Variants in CEP85L observed in about 807,000 individuals in gnomAD.
CEP85L encodes centrosomal protein 85L.
A neutral mutation model predicts 100.3 loss-of-function variants in CEP85L; 60 were observed. The ratio of observed to expected loss-of-function variants is 0.60; its 90% CI spans 0.49 to 0.74. The LOEUF (loss-of-function observed/expected upper bound fraction) is 0.74. CEP85L is among the 30% of genes least tolerant of loss of function. The probability of loss-of-function intolerance (pLI) is 0.00; values close to 1 mark genes in which losing one functional copy is unlikely to be tolerated. For synonymous variants in CEP85L, 319 were observed against 322.7 expected (o/e 0.99, Z 0.12); for missense variants, 973 against 936.2 (o/e 1.04, Z -0.51).
chr6:118,466,178 C>T (rs761115146), intron 12 of CEP85L, among the ~76,000 whole-genome samples: 1 of 152,072 alleles, frequency 6.6e-6, no homozygotes, highest in South Asian at 2.1e-4. Flanking sequence ...CTTGAGTCAG[C>T]CAGCTTTTAG....
chr6:118,478,970 T>C (rs1773583203), intron 10 of CEP85L, among the ~76,000 whole-genome samples: 1 of 152,168 alleles, frequency 6.6e-6, no homozygotes, highest in African/African-American at 2.4e-5. Flanking sequence ...TTAATTTAGA[T>C]TGAGATAACT....
intron 3 of CEP85L, among the ~76,000 whole-genome samples, chr6:118,562,021 T>C (rs1257376717): frequency 6.6e-6 from 1 of 152,202 alleles, no homozygotes; most frequent in Non-Finnish European, 1.5e-5. Context: ...TTTATGCTAA[T>C]ATTACATAGA....
chr6:118,569,008 G>A (rs867109246), intron 2 of CEP85L, among the ~76,000 whole-genome samples: 1 of 151,858 alleles, frequency 6.6e-6, no homozygotes, highest in Non-Finnish European at 1.5e-5. Flanking sequence ...CAGACCAAAG[G>A]TTAAGTATAA....
chr6:118,600,165 C>T (rs550467670), intron 2 of CEP85L, among the ~76,000 whole-genome samples: 129 of 151,918 alleles, frequency 8.5e-4, no homozygotes, highest in African/African-American at 2.9e-3. Context: ...CATATTCTCC[C>T]TCACAGGAGA....
intron 2 of CEP85L, among the ~76,000 whole-genome samples, chr6:118,584,799 C>T (rs542585790): frequency 2.0e-5 from 3 of 152,352 alleles, no homozygotes; most frequent in South Asian, 2.1e-4. Flanking sequence ...CCCCACCTAA[C>T]GTGGCAGGAC....
intron 1 of CEP85L, among the ~76,000 whole-genome samples, chr6:118,668,170 A>G (rs1441285296): frequency 2.6e-5 from 4 of 152,232 alleles, no homozygotes; most frequent in South Asian, 2.1e-4. Context: ...GTTCAAGCCA[A>G]CTGGTAAGAA....
rs779973897 is a variant in CEP85L, at chr6:118,566,207, A to C, written c.342T>G (p.Leu114=). Residue 114 remains leucine, a synonymous_variant, in exon 3 of 13, where the codon CTT becomes CTG. Coordinates refer to ENST00000368491, the MANE Select transcript of CEP85L (RefSeq NM_001042475.3). ...PSNSSASISK[L]RESLTPDGSK... is the part of the protein sequence containing the mutation. ...AGCCATCTGGTGTCAATGATTCCCTAAGTTTGGAAATTGAAGCGCTGGAAT... is the reference window on the plus strand; with the variant it reads ...AGCCATCTGGTGTCAATGATTCCCTCAGTTTGGAAATTGAAGCGCTGGAAT... 2 of 1,614,086 alleles carry C rather than the reference A, an allele frequency of 1.2e-6. No homozygotes were observed. The highest frequency in any genetic ancestry group is 4.5e-5 in the East Asian group (2 of 44,880).
upstream of CEP85L, chr6:118,652,310 C>T: frequency 1.3e-6 from 1 of 791,888 alleles, no homozygotes; most frequent in Non-Finnish European, 1.5e-6. Context: ...CTCTTCTTGG[C>T]CAGTTTCCAC....
intron 1 of CEP85L, among the ~76,000 whole-genome samples, chr6:118,695,310 A>G (rs142684176): frequency 2.6e-5 from 4 of 152,314 alleles, no homozygotes; most frequent in African/African-American, 9.6e-5. Context: ...TAATTTGCAA[A>G]TGGATCATTA....
chr6:118,662,924 T>C (rs530101337), intron 1 of CEP85L, among the ~76,000 whole-genome samples: 1 of 152,260 alleles, frequency 6.6e-6, no homozygotes, highest in East Asian at 1.9e-4. Flanking sequence ...AGAGCATAAG[T>C]ATTGAGTTAG....
intron 3 of CEP85L, among the ~76,000 whole-genome samples, chr6:118,562,088 T>A (rs1465703089): frequency 6.6e-6 from 1 of 152,104 alleles, no homozygotes; most frequent in Non-Finnish European, 1.5e-5. Flanking sequence ...TTAAAACAGG[T>A]ATATAAAAGT....
At chr6:118,534,427 C>T (rs909824852) in intron 3 of CEP85L, among the ~76,000 whole-genome samples, 9 of 151,222 alleles carry the variant, frequency 6.0e-5, no homozygotes, top group African/African-American at 1.7e-4. Flanking sequence ...CCGAAGTGGG[C>T]GGATCATCTG....
At chr6:118,553,817 T>C (rs1778688823) in intron 3 of CEP85L, among the ~76,000 whole-genome samples, 1 of 152,188 alleles carries the variant, frequency 6.6e-6, no homozygotes, top group African/African-American at 2.4e-5. Flanking sequence ...AACCCATTTA[T>C]ACAAAGCCTA....
chr6:118,606,440 C>G (rs1302168454), intron 2 of CEP85L, among the ~76,000 whole-genome samples: 1 of 152,242 alleles, frequency 6.6e-6, no homozygotes, highest in Non-Finnish European at 1.5e-5. Flanking sequence ...AGCTACTGAG[C>G]TACATACAGT....
intron 2 of CEP85L, among the ~76,000 whole-genome samples, chr6:118,613,869 C>T (rs1772833252): frequency 1.3e-5 from 2 of 150,474 alleles, no homozygotes; most frequent in East Asian, 1.9e-4. Flanking sequence ...TAAGAGAGAA[C>T]ATTTCCCCAT....
chr6:118,536,452 T>C (rs887823939), intron 3 of CEP85L, among the ~76,000 whole-genome samples: 17 of 152,122 alleles, frequency 1.1e-4, no homozygotes, highest in African/African-American at 4.1e-4. Context: ...CTATGTACTT[T>C]ACTGTATGTT....
intron 2 of CEP85L, among the ~76,000 whole-genome samples, chr6:118,630,717 A>T (rs11756757): frequency 0.043 from 6,516 of 152,296 alleles, 191 homozygotes; most frequent in Non-Finnish European, 0.065. Context: ...ACCCTAATGC[A>T]GGGGTCCCCA....
At chr6:118,619,278 C>A (rs1240195332) in intron 2 of CEP85L, among the ~76,000 whole-genome samples, 1 of 152,194 alleles carries the variant, frequency 6.6e-6, no homozygotes, top group African/African-American at 2.4e-5. Context: ...GTACCAATGC[C>A]TGGCCACAGT....
chr6:118,477,541 T>C (rs956240219), intron 10 of CEP85L, among the ~76,000 whole-genome samples: 35 of 152,164 alleles, frequency 2.3e-4, no homozygotes, highest in African/African-American at 6.8e-4. Flanking sequence ...AAAATGTACA[T>C]AGCCTGGGAT....
Sources: gnomAD v4.1 joint callset for allele counts (sites outside exome capture counted in the v4.1 genomes callset) on GRCh38, gnomAD v4.1.1 for gene constraint, MANE v1.5 for transcripts, NCBI Gene and HGNC (gene_info 2026-07-23, HGNC 2026-07-21) for gene names.